The following CATSPERT variants were observed in gnomAD, a reference collection of about 807,000 sequenced individuals.
CATSPERT encodes cation channel sperm-associated targeting subunit tau.
the CATSPERT span, among the ~76,000 whole-genome samples, chr2:201,507,871 GC>G: frequency 1.3e-5 from 2 of 152,104 alleles, no homozygotes; most frequent in Non-Finnish European, 2.9e-5. Context: ...AGGAGAGAGA[GC>G]AAGCAAAGGG....
At chr2:201,590,254 C>T in the CATSPERT span, among the ~76,000 whole-genome samples, 12 of 150,236 alleles carry the variant, frequency 8.0e-5, no homozygotes, top group East Asian at 5.9e-4. Flanking sequence ...TTTGTTCTTG[C>T]GATAGTTTAC....
chr2:201,545,648 AAAAAAG>A, the CATSPERT span: 17 of 833,698 alleles, frequency 2.0e-5, no homozygotes, highest in Non-Finnish European at 2.6e-5. Flanking sequence ...AAAAAAAAAA[AAAAAAG>A]AAAAAAAAAT....
chr2:201,618,562 G>C, the CATSPERT span, among the ~76,000 whole-genome samples: 299 of 113,998 alleles, frequency 2.6e-3, no homozygotes, highest in African/African-American at 9.0e-3. Flanking sequence ...CCTGTCGTGG[G>C]TTGGGGGGAG....
At chr2:201,527,419 C>T in the CATSPERT span, among the ~76,000 whole-genome samples, 2 of 152,160 alleles carry the variant, frequency 1.3e-5, no homozygotes, top group South Asian at 2.1e-4. Context: ...TTCTAAAATT[C>T]ATATGGAGCC....
the CATSPERT span, among the ~76,000 whole-genome samples, chr2:201,587,784 A>G: frequency 1.3e-5 from 2 of 152,112 alleles, no homozygotes; most frequent in African/African-American, 4.8e-5. Flanking sequence ...CTGGATTCAA[A>G]TAAAGACAAC....
At chr2:201,547,283 T>A in the CATSPERT span, among the ~76,000 whole-genome samples, 1 of 152,192 alleles carries the variant, frequency 6.6e-6, no homozygotes, top group African/African-American at 2.4e-5. Flanking sequence ...GTATGGTATA[T>A]GAATGATATC....
At chr2:201,585,521 T>C in the CATSPERT span, among the ~76,000 whole-genome samples, 10 of 151,860 alleles carry the variant, frequency 6.6e-5, no homozygotes, top group East Asian at 1.5e-3. Context: ...CCCAGGAGGA[T>C]GATCTGAGCT....
the CATSPERT span, chr2:201,535,061 C>G: frequency 1.2e-6 from 1 of 852,390 alleles, no homozygotes; most frequent in Non-Finnish European, 1.4e-6. Flanking sequence ...ACATTTCTCT[C>G]CATTTTCTAA....
chr2:201,587,056 G>A, the CATSPERT span, among the ~76,000 whole-genome samples: 3 of 151,752 alleles, frequency 2.0e-5, no homozygotes, highest in East Asian at 5.8e-4. Flanking sequence ...ATTATAATAT[G>A]GATCTTTCAC....
chr2:201,598,429 G>GA, the CATSPERT span, among the ~76,000 whole-genome samples: 51 of 143,254 alleles, frequency 3.6e-4, no homozygotes, highest in East Asian at 4.1e-4. Context: ...TTGTTTTTAA[G>GA]AAAAAAAAAA....
the CATSPERT span, among the ~76,000 whole-genome samples, chr2:201,527,003 A>C: frequency 4.6e-5 from 7 of 152,268 alleles, no homozygotes; most frequent in African/African-American, 1.7e-4. Context: ...TTCTATACCT[A>C]CAAAACCCCA....
the CATSPERT span, among the ~76,000 whole-genome samples, chr2:201,527,539 T>A: frequency 1.1e-4 from 16 of 152,096 alleles, no homozygotes; most frequent in African/African-American, 3.6e-4. Flanking sequence ...CAAAACAGCA[T>A]GGTATTGGTA....
At chr2:201,503,073 T>C in the CATSPERT span, among the ~76,000 whole-genome samples, 1 of 152,152 alleles carries the variant, frequency 6.6e-6, no homozygotes, top group Non-Finnish European at 1.5e-5. Context: ...TCTATTTTTT[T>C]CCTCATCATA....
At chr2:201,568,545 T>G in the CATSPERT span, among the ~76,000 whole-genome samples, 1 of 152,148 alleles carries the variant, frequency 6.6e-6, no homozygotes, top group Non-Finnish European at 1.5e-5. Flanking sequence ...AAACCACATC[T>G]AGTATAGCAG....
the CATSPERT span, among the ~76,000 whole-genome samples, chr2:201,601,072 AC>A: frequency 6.6e-6 from 1 of 151,988 alleles, no homozygotes; most frequent in Admixed American, 6.6e-5. Context: ...GTTTTAAGAT[AC>A]ATTTAAGATT....
chr2:201,579,801 A>T, the CATSPERT span, among the ~76,000 whole-genome samples: 1 of 151,524 alleles, frequency 6.6e-6, no homozygotes. Context: ...GTAAACTTGA[A>T]GTTAGTTCTA....
the CATSPERT span, among the ~76,000 whole-genome samples, chr2:201,613,296 C>T: frequency 1.3e-5 from 2 of 152,222 alleles, no homozygotes; most frequent in Non-Finnish European, 2.9e-5. Flanking sequence ...CTGGGAGACA[C>T]CTCCCAGTAG....
At chr2:201,545,881 T>C in the CATSPERT span, among the ~76,000 whole-genome samples, 1 of 152,044 alleles carries the variant, frequency 6.6e-6, no homozygotes, top group Non-Finnish European at 1.5e-5. Flanking sequence ...GATAGAGTAT[T>C]TGAGTGATGA....
At chr2:201,488,885 C>G in the CATSPERT span, among the ~76,000 whole-genome samples, 1 of 152,202 alleles carries the variant, frequency 6.6e-6, no homozygotes, top group African/African-American at 2.4e-5. Context: ...CCTCTTCCCT[C>G]TTACGTACAC....
Sources: allele counts gnomAD v4.1 joint callset (sites outside exome capture counted in the v4.1 genomes callset), GRCh38; gene constraint gnomAD v4.1.1; transcripts MANE v1.5; gene names NCBI Gene and HGNC (gene_info 2026-07-23, HGNC 2026-07-21).